Variants in CBFA2T2 observed in about 807,000 individuals in gnomAD.
The protein encoded by CBFA2T2 is CBFA2/RUNX1 partner transcriptional co-repressor 2.
Under a neutral mutation model 62.2 loss-of-function variants are expected in CBFA2T2, and 11 were observed. The observed-to-expected ratio is 0.18, with a 90% CI of 0.11 to 0.29. The LOEUF (loss-of-function observed/expected upper bound fraction) is 0.29. Among genes scored for constraint, CBFA2T2 ranks in the 10% least tolerant of loss-of-function variants. The pLI is 1.00. For missense variants in CBFA2T2, 592 were observed against 774.1 expected (o/e 0.76, Z 2.79); for synonymous variants, 295 against 287.5 (o/e 1.03, Z -0.27).
chr20:33,492,262 A>G (rs899834446), intron 1 of CBFA2T2, among the ~76,000 whole-genome samples: 13 of 151,714 alleles, frequency 8.6e-5, no homozygotes, highest in African/African-American at 2.7e-4. Flanking sequence ...CAGGTAATTC[A>G]CCCACCTCAG....
At chr20:33,539,165 T>C (rs1198779294) in intron 1 of CBFA2T2, among the ~76,000 whole-genome samples, 4 of 152,234 alleles carry the variant, frequency 2.6e-5, no homozygotes, top group Non-Finnish European at 4.4e-5. Context: ...CTGTATAATC[T>C]TGGGCAAGTT....
chr20:33,567,831 G>A (rs750182121), intron 1 of CBFA2T2, among the ~76,000 whole-genome samples: 4 of 152,102 alleles, frequency 2.6e-5, no homozygotes, highest in South Asian at 2.1e-4. Context: ...TGATCTACCC[G>A]CTTCGGCCTC....
At chr20:33,530,069 G>A (rs1434576143) in intron 1 of CBFA2T2, among the ~76,000 whole-genome samples, 1 of 152,014 alleles carries the variant, frequency 6.6e-6, no homozygotes. Context: ...TTACAGGCAT[G>A]AGCCACCTCG....
intron 1 of CBFA2T2, among the ~76,000 whole-genome samples, chr20:33,514,822 G>A (rs2011572767): frequency 6.6e-6 from 1 of 151,680 alleles, no homozygotes. Flanking sequence ...TCGGCCTCCC[G>A]AGTAGCTGGG....
At chr20:33,631,936 CA>C (rs2016468838) in intron 8 of CBFA2T2, among the ~76,000 whole-genome samples, 1 of 152,116 alleles carries the variant, frequency 6.6e-6, no homozygotes, top group African/African-American at 2.4e-5. Context: ...AAATGTGAAC[CA>C]AAATGACTCC....
At chr20:33,636,741 C>T (rs1347163090) in intron 9 of CBFA2T2, 33 bp downstream of exon 9, 4 of 1,501,566 alleles carry the variant, frequency 2.7e-6, no homozygotes, top group Non-Finnish European at 3.7e-6. Flanking sequence ...GTCATACATA[C>T]TCACTAATTT....
intron 9 of CBFA2T2, among the ~76,000 whole-genome samples, chr20:33,640,103 G>A (rs956189575): frequency 6.6e-6 from 1 of 152,200 alleles, no homozygotes; most frequent in Non-Finnish European, 1.5e-5. Context: ...AAGCAGTCAG[G>A]AGAGTGTGGC....
chr20:33,539,101 A>G lies in CBFA2T2; in HGVS notation c.34+48800A>G, dbSNP rs188410340. Among the ~76,000 whole-genome samples, 8 of 152,320 alleles carry G rather than the reference A, an allele frequency of 5.3e-5. No individual in the cohort carries two copies. In the East Asian group the frequency reaches 1.2e-3, roughly 22 times the overall value. On this transcript the variant is annotated intron_variant, in intron 1 of 10. Coordinates refer to ENST00000342704, the MANE Select transcript of CBFA2T2 (RefSeq NM_001032999.3). ...TTAAAATTATAGTTGGGGAGAGAGC[A>G]TCAGAGTTGAGGTTCGGAAATTTGG...
At chr20:33,514,193 G>A (rs1301394357) in intron 1 of CBFA2T2, among the ~76,000 whole-genome samples, 5 of 137,698 alleles carry the variant, frequency 3.6e-5, no homozygotes, top group African/African-American at 1.4e-4. Flanking sequence ...GTGAGCCACC[G>A]TGCCCTGCCT....
chr20:33,634,521 A>C (rs572354857), intron 8 of CBFA2T2, among the ~76,000 whole-genome samples: 99 of 152,002 alleles, frequency 6.5e-4, no homozygotes, highest in African/African-American at 2.3e-3. Context: ...AAAATATGAA[A>C]ATTAGCTGAT....
At chr20:33,555,043 C>T (rs1385801816) in intron 1 of CBFA2T2, among the ~76,000 whole-genome samples, 1 of 152,176 alleles carries the variant, frequency 6.6e-6, no homozygotes, top group Non-Finnish European at 1.5e-5. Flanking sequence ...GAGAGCTCTG[C>T]TTTAGAAGCA....
At chr20:33,610,018 C>T (rs1601060004) in intron 2 of CBFA2T2, among the ~76,000 whole-genome samples, 1 of 152,158 alleles carries the variant, frequency 6.6e-6, no homozygotes, top group East Asian at 1.9e-4. Context: ...CACGGTGGCT[C>T]ATGCCTGTAA....
In CBFA2T2 at chr20:33,490,311, G is replaced by A; in HGVS notation, c.34+10G>A. ...GCGGCCGCCTTCCAGCGTAAGTGGG[G>A]CGTGAATGCGGGCGGCCGAGGGGGG... is the stretch of plus-strand genomic sequence containing the variant. On this transcript the variant is annotated intron_variant, in intron 1 of 10. Coordinates refer to ENST00000342704, the MANE Select transcript of CBFA2T2 (RefSeq NM_001032999.3). 2 of 1,284,830 alleles carry A rather than the reference G, an allele frequency of 1.6e-6. No homozygotes were observed. Among genetic ancestry groups the A allele is most frequent in the Non-Finnish European group, 2.0e-6 (2 of 1,016,498 alleles). 79.6% of individuals were successfully genotyped at this position (1,284,830 alleles called of 1,614,324 possible). A position where few individuals can be genotyped will look rare whatever the true frequency, so the allele number is the denominator to read the frequency against.
chr20:33,495,089 G>A (rs1294203296), intron 1 of CBFA2T2, among the ~76,000 whole-genome samples: 1 of 151,962 alleles, frequency 6.6e-6, no homozygotes, highest in African/African-American at 2.4e-5. Flanking sequence ...ATGAAATCTA[G>A]TTTATTCGGT....
At chr20:33,643,346 T>C (rs2016921135) in intron 10 of CBFA2T2, among the ~76,000 whole-genome samples, 1 of 152,048 alleles carries the variant, frequency 6.6e-6, no homozygotes, top group African/African-American at 2.4e-5. Flanking sequence ...GAGGTCAAGG[T>C]GGGAGGGTCC....
At chr20:33,527,180 C>T (rs1032581925) in intron 1 of CBFA2T2, among the ~76,000 whole-genome samples, 3 of 151,962 alleles carry the variant, frequency 2.0e-5, no homozygotes, top group African/African-American at 7.2e-5. Context: ...AATCACATAT[C>T]ACTTAATTTT....
rs1045646086 is a variant in CBFA2T2 at position 33,646,633 on chromosome 20, A to ACC, written c.*1987_*1988insCC. 103 of 151,992 alleles carry ACC rather than the reference A, an allele frequency of 6.8e-4. No individual in the cohort carries two copies. Among genetic ancestry groups the ACC allele is most frequent in the African/African-American group, 2.4e-3 (100 of 41,374 alleles). The allele number at this position is 151,992 out of a possible 1,614,324, so 9.4% of individuals were successfully genotyped here. On this transcript the variant is annotated 3_prime_UTR_variant, in exon 11 of 11. Transcript: ENST00000342704. ...CACTTTGAGAGACCGAGGCAGGCAG[A>ACC]TCACTTGAGGTCAGGAATTCAAGAC...
chr20:33,494,275 T>TA (rs2011176321), intron 1 of CBFA2T2, among the ~76,000 whole-genome samples: 1 of 40,580 alleles, frequency 2.5e-5, no homozygotes, highest in African/African-American at 1.2e-4. Context: ...ATATATATAT[T>TA]TTTTTTTTTT....
chr20:33,541,292 G>A (rs983427702), intron 1 of CBFA2T2, among the ~76,000 whole-genome samples: 5 of 152,360 alleles, frequency 3.3e-5, no homozygotes, highest in Middle Eastern at 3.4e-3. Context: ...GAGGTCAAGT[G>A]ATTAGAAGCA....
Sources: gnomAD v4.1 joint callset for allele counts (sites outside exome capture counted in the v4.1 genomes callset) on GRCh38, gnomAD v4.1.1 for gene constraint, MANE v1.5 for transcripts, NCBI Gene and HGNC (gene_info 2026-07-23, HGNC 2026-07-21) for gene names.